The following ZNF717 variants were observed in gnomAD, a reference collection of about 807,000 sequenced individuals.
ZNF717 encodes krueppel-like factor X17.
Under a neutral mutation model 13.8 loss-of-function variants are expected in ZNF717, and 9 were observed. The ratio of observed to expected loss-of-function variants is 0.65; its 90% CI spans 0.39 to 1.14. ZNF717 has a LOEUF of 1.14. Ranked by LOEUF, ZNF717 falls within the 50% of genes most tolerant of loss-of-function variation. ZNF717 has a pLI of 0.01. For synonymous variants in ZNF717, 327 were observed against 364.1 expected, an observed-to-expected ratio of 0.90 and a Z score of 1.16; for missense variants, 1,040 against 1,080.7, an observed-to-expected ratio of 0.96 and a Z score of 0.53.
chr3:75,698,002 G>A (rs1208134295), intron 6 of ZNF717, among the ~76,000 whole-genome samples: 1 of 152,276 alleles, frequency 6.6e-6, no homozygotes, highest in African/African-American at 2.4e-5. Context: ...AAAGTGGTTG[G>A]CTGAATTTCT....
chr3:75,764,455 CTGTT>C (rs1041717601), intron 2 of ZNF717, among the ~76,000 whole-genome samples: 2 of 152,232 alleles, frequency 1.3e-5, no homozygotes, highest in Admixed American at 6.5e-5. Context: ...TGCAGCATGA[CTGTT>C]TGCCCAACGT....
intron 2 of ZNF717, among the ~76,000 whole-genome samples, chr3:75,777,950 T>C (rs1300832372): frequency 7.3e-6 from 1 of 137,678 alleles, no homozygotes; most frequent in Non-Finnish European, 1.5e-5. Context: ...ACCAAAACAA[T>C]GGGAGTGACG....
chr3:75,758,112 CAAAAAAAAAA>C (rs111361124), intron 2 of ZNF717, among the ~76,000 whole-genome samples: 4,941 of 64,608 alleles, frequency 0.076, 140 homozygotes, highest in South Asian at 0.16. Context: ...GACTCCATCT[CAAAAAAAAAA>C]AAAAAAAAAA....
intron 2 of ZNF717, among the ~76,000 whole-genome samples, chr3:75,759,395 C>T (rs61700926): frequency 2.6e-5 from 4 of 151,462 alleles, no homozygotes; most frequent in African/African-American, 9.7e-5. Context: ...CCTGCCTCAA[C>T]CTCCGGAGTA....
intron 2 of ZNF717, among the ~76,000 whole-genome samples, chr3:75,743,478 C>T (rs1185749427): frequency 1.3e-5 from 2 of 152,200 alleles, no homozygotes; most frequent in Non-Finnish European, 2.9e-5. Context: ...TTGCTGTATC[C>T]ACCCAGGGTG....
Position 75,745,109 on chromosome 3 carries a change from G to A in ZNF717, c.58-3373C>T, listed in dbSNP as rs78993965. ...ACATAGAATTCCAGAACACTGCTAC[G>A]AGGGTCTGAATGTTTGTCCCTCACA... On this transcript the variant is annotated intron_variant, in intron 2 of 4. Transcript: ENST00000652011. Among the ~76,000 whole-genome samples, 6 of 150,020 alleles carry A rather than the reference G, an allele frequency of 4.0e-5. No homozygotes were observed. The East Asian group carries it at 1.2e-3, about 29-fold the overall frequency.
intron 4 of ZNF717, among the ~76,000 whole-genome samples, chr3:75,724,759 G>A (rs1458921194): frequency 6.6e-5 from 10 of 152,278 alleles, no homozygotes; most frequent in Admixed American, 2.0e-4. Flanking sequence ...TTTGTGCTAC[G>A]GTTTTACTTA....
intron 2 of ZNF717, among the ~76,000 whole-genome samples, chr3:75,761,953 C>A (rs1229177714): frequency 1.3e-5 from 2 of 152,134 alleles, no homozygotes; most frequent in African/African-American, 2.4e-5. Flanking sequence ...GCTTGGGAGG[C>A]TGAGGCAGGA....
At chr3:75,735,018 G>C (rs1575745134), downstream of ZNF717, among the ~76,000 whole-genome samples, 2 of 151,632 alleles carry the variant, frequency 1.3e-5, no homozygotes, top group Non-Finnish European at 2.9e-5. Flanking sequence ...GTAAAGATGG[G>C]GTTTCACCAT....
At chr3:75,766,005 G>C (rs1943436170) in intron 2 of ZNF717, among the ~76,000 whole-genome samples, 1 of 152,076 alleles carries the variant, frequency 6.6e-6, no homozygotes, top group South Asian at 2.1e-4. Flanking sequence ...GCTACTCAGG[G>C]GGCTGAAGTG....
At chr3:75,704,486 T>A (rs1937760404) in intron 6 of ZNF717, among the ~76,000 whole-genome samples, 1 of 152,312 alleles carries the variant, frequency 6.6e-6, no homozygotes, top group African/African-American at 2.4e-5. Context: ...CCACTATTAT[T>A]TAAGTGAGAG....
At chr3:75,769,444 C>T (rs1004330875) in intron 2 of ZNF717, among the ~76,000 whole-genome samples, 22 of 152,156 alleles carry the variant, frequency 1.4e-4, no homozygotes, top group Non-Finnish European at 2.6e-4. Context: ...CCAACCCACA[C>T]CACCCTGTCC....
At chr3:75,756,738 G>T (rs112386615) in intron 2 of ZNF717, among the ~76,000 whole-genome samples, 1 of 132,024 alleles carries the variant, frequency 7.6e-6, no homozygotes, top group Admixed American at 7.7e-5. Context: ...GCAATGGCGC[G>T]ATCTCGGCTC....
chr3:75,697,428 T>G (rs1937615441), intron 6 of ZNF717, among the ~76,000 whole-genome samples: 2 of 152,304 alleles, frequency 1.3e-5, no homozygotes, highest in Non-Finnish European at 2.9e-5. Context: ...ACCATCCCAT[T>G]TGGTACTATC....
exon 6 of ZNF717, chr3:75,730,341 G>C (rs1241520980): frequency 3.0e-6 from 1 of 330,048 alleles, no homozygotes; most frequent in East Asian, 5.5e-5. Flanking sequence ...TACAGAATAG[G>C]GAAGCAATAG....
chr3:75,778,630 G>C (rs1944534492), intron 2 of ZNF717, among the ~76,000 whole-genome samples: 1 of 151,094 alleles, frequency 6.6e-6, no homozygotes. Flanking sequence ...GGAGTGACTT[G>C]CTAAAACCAG....
intron 2 of ZNF717, among the ~76,000 whole-genome samples, chr3:75,747,900 A>C (rs1941327514): frequency 6.6e-6 from 1 of 152,198 alleles, no homozygotes; most frequent in African/African-American, 2.4e-5. Context: ...CAATGAATCC[A>C]GGAGCTGGTT....
intron 4 of ZNF717, among the ~76,000 whole-genome samples, chr3:75,739,602 T>C (rs1205894297): frequency 6.6e-6 from 1 of 152,234 alleles, no homozygotes; most frequent in Non-Finnish European, 1.5e-5. Context: ...CAAAGAATTA[T>C]TTGGTAATAA....
At chr3:75,704,543 G>C (rs1937762057) in intron 6 of ZNF717, among the ~76,000 whole-genome samples, 1 of 152,310 alleles carries the variant, frequency 6.6e-6, no homozygotes, top group African/African-American at 2.4e-5. Flanking sequence ...CCAAAAGTTA[G>C]AGGCCCAGGG....
Sources: allele counts gnomAD v4.1 joint callset (sites outside exome capture counted in the v4.1 genomes callset), GRCh38; gene constraint gnomAD v4.1.1; transcripts MANE v1.5; gene names NCBI Gene and HGNC (gene_info 2026-07-23, HGNC 2026-07-21).